The following ATP13A2 variants were observed in gnomAD, a reference collection of about 807,000 sequenced individuals.
ATP13A2 encodes the protein polyamine-transporting ATPase 13A2.
In ATP13A2, 83 loss-of-function variants were observed where a neutral mutation model predicts 138.3. That is an observed-to-expected ratio of 0.60 (90% CI 0.50 to 0.72). The LOEUF (loss-of-function observed/expected upper bound fraction) is 0.72. Ranked by LOEUF, ATP13A2 falls within the 30% of genes least tolerant of loss-of-function variation. ATP13A2 has a pLI of 0.00. For missense variants in ATP13A2, 1,402 were observed against 1,606.4 expected (o/e 0.87, Z 2.17); for synonymous variants, 663 against 699.0 (o/e 0.95, Z 0.81).
chr1:17,003,512 G>A (rs1271913018), intron 6 of ATP13A2, among the ~76,000 whole-genome samples: 1 of 151,212 alleles, frequency 6.6e-6, no homozygotes, highest in African/African-American at 2.4e-5. Context: ...AGCCGAGAAT[G>A]CGGCATTGCA....
intron 11 of ATP13A2, among the ~76,000 whole-genome samples, chr1:16,999,658 T>G (rs1234832492): frequency 1.3e-5 from 2 of 152,066 alleles, no homozygotes; most frequent in African/African-American, 4.8e-5. Flanking sequence ...TCCCAGCACC[T>G]TGGGAGGCCG....
rs1366750257 is a variant in ATP13A2 at position 16,986,385 on chromosome 1, G to A, written c.3406-27C>T. On this transcript the variant is annotated intron_variant, in intron 28 of 28. Coordinates refer to ENST00000326735, the MANE Select transcript of ATP13A2 (RefSeq NM_022089.4). The surrounding 1 kb of genome is among the most constrained non-coding windows in gnomAD (Gnocchi z 6.9). ...TGCAAAGGGCAGGGAGGGTGTCAGG[G>A]GCAGCCGGGGCTGAGCTGGGGTCAA... 1.3e-6 allele frequency: 2 copies of A among 1,590,122 alleles called. No individual in the cohort carries two copies. Among genetic ancestry groups the A allele is most frequent in the Non-Finnish European group, 1.7e-6 (2 of 1,171,502 alleles).
chr1:16,986,838 C>T lies in ATP13A2; in HGVS notation c.3202G>A (p.Gly1068Arg). 6.2e-7 allele frequency: 1 copy of T among 1,613,488 alleles called. No homozygotes were observed. Among genetic ancestry groups the T allele is most frequent in the South Asian group, 1.1e-5 (1 of 91,056 alleles). The change falls in exon 27 of 29, where the codon GGG (glycine) becomes AGG (arginine). Residue 1068 changes from glycine (G) to arginine (R), a missense_variant. Physicochemically the swap from Gly to Arg is moderately radical, Grantham distance 125. Transcript: ENST00000326735. This position sits in a 1 kb window ranked among gnomAD's most constrained non-coding sequence, Gnocchi z 6.9. The part of the protein sequence containing the change: ...YLILAAAVSK[G>R]APFRRPLYTN... The stretch of plus-strand genomic sequence containing the variant: ...TAGAGCGGCCGGCGGAAGGGCGCCC[C>T]CTTGGACACGGCTGCAGCCAGGATG...
At chr1:16,997,274 G>A in intron 11 of ATP13A2, 99 bp from the exon 12 acceptor site, 1 of 1,430,252 alleles carries the variant, frequency 7.0e-7, no homozygotes, top group Non-Finnish European at 9.7e-7. Context: ...CTAAGTCTCA[G>A]TTAACTCTGT....
intron 12 of ATP13A2, chr1:16,996,708 C>G: frequency 1.6e-6 from 1 of 619,090 alleles, no homozygotes; most frequent in Non-Finnish European, 2.9e-6. Flanking sequence ...CATCTAAACA[C>G]TGGGTGGTTC....
intron 18 of ATP13A2, 38 bp from the exon 19 acceptor site, chr1:16,992,167 C>T: frequency 6.2e-7 from 1 of 1,611,702 alleles, no homozygotes; most frequent in Non-Finnish European, 8.5e-7. Context: ...GAGGGGATGG[C>T]AGGGACAGAG....
chr1:16,988,067 C>T lies in ATP13A2; in HGVS notation c.2859+71G>A. ...TCATCTATTCTGGGACCTGCCAGCT[C>T]CAAGGCACAGGGCTGTGTCCCCTCC... On this transcript the variant is annotated intron_variant, in intron 25 of 28. Coordinates refer to ENST00000326735, the MANE Select transcript of ATP13A2 (RefSeq NM_022089.4). 4 of 1,413,060 alleles carry T rather than the reference C, an allele frequency of 2.8e-6. No individual in the cohort carries two copies. The East Asian group carries it at 6.9e-5, about 24-fold the overall frequency. The allele number at this position is 1,413,060 out of a possible 1,614,324, so 87.5% of individuals were successfully genotyped here. A position where few individuals can be genotyped will look rare whatever the true frequency, so the allele number is the denominator to read the frequency against.
In ATP13A2 at chr1:16,986,734, T is replaced by C. The variant is rs937351387; in HGVS notation, c.3235+71A>G. 6.3e-7 allele frequency: 1 copy of C among 1,580,062 alleles called. No homozygotes were observed. Among genetic ancestry groups the C allele is most frequent in the Non-Finnish European group, 8.6e-7 (1 of 1,166,816 alleles). Reference sequence around the variant, plus strand: ...CCACTCGGCCGGCACCTCTCTCCCATCTGCCTCCCCAGCACCCCAGGGCTC... The same window carrying C: ...CCACTCGGCCGGCACCTCTCTCCCACCTGCCTCCCCAGCACCCCAGGGCTC... On this transcript the variant is annotated intron_variant, in intron 27 of 28. Transcript: ENST00000326735. This position sits in a 1 kb window ranked among gnomAD's most constrained non-coding sequence, Gnocchi z 6.9.
intron 1 of ATP13A2, among the ~76,000 whole-genome samples, chr1:17,006,570 G>A (rs1347198702): frequency 1.3e-5 from 2 of 152,030 alleles, no homozygotes; most frequent in Admixed American, 1.3e-4. Flanking sequence ...TTGTTTCCTT[G>A]CGTGTGTCGG....
rs1303740944 is a variant in ATP13A2 at position 17,011,347 on chromosome 1, C to G, written c.10+382G>C. Among the ~76,000 whole-genome samples, 1 of 152,156 alleles carries G rather than the reference C, an allele frequency of 6.6e-6. No individual in the cohort carries two copies. Among genetic ancestry groups the G allele is most frequent in the Non-Finnish European group, 1.5e-5 (1 of 68,022 alleles). On this transcript the variant is annotated intron_variant, in intron 1 of 28. Coordinates refer to ENST00000326735, the MANE Select transcript of ATP13A2 (RefSeq NM_022089.4). This position sits in a 1 kb window ranked among gnomAD's most constrained non-coding sequence, Gnocchi z 7.3. ...TTGCCCAGAGGCCCGAGGATGCAGC[C>G]GTCTCCCCCACCTGGACATCCGTCA...
chr1:17,004,219 C>T lies in ATP13A2; in HGVS notation c.557+113G>A. 1 of 1,147,352 alleles carries T rather than the reference C, an allele frequency of 8.7e-7. No individual in the cohort carries two copies. Among genetic ancestry groups the T allele is most frequent in the Non-Finnish European group, 1.3e-6 (1 of 780,184 alleles). 71.1% of individuals were successfully genotyped at this position (1,147,352 alleles called of 1,614,324 possible). A position where few individuals can be genotyped will look rare whatever the true frequency, so the allele number is the denominator to read the frequency against. On this transcript the variant is annotated intron_variant, in intron 6 of 28. Coordinates refer to ENST00000326735, the MANE Select transcript of ATP13A2 (RefSeq NM_022089.4). This position sits in a 1 kb window ranked among gnomAD's most constrained non-coding sequence, Gnocchi z 4.1. ...TCAGTAACCTGCCCAAGGTTTCAGA[C>T]AGCAAAAGCATCAGAGCTGAGAGGG...
rs766036337 is a variant in ATP13A2, at chr1:16,992,017, T to C, written c.2118A>G (p.Gln706=). Residue 706 remains glutamine, a synonymous_variant, in exon 19 of 29, where the codon CAA becomes CAG. Transcript: ENST00000326735. ...ACAGGAGACAGGCCCACCTCGTCAG[T>C]TGCTGGGCTGCCTCCAGGCTGGGCA... The part of the protein sequence containing the change: ...PTVPSLEAAQ[Q]LTRDTVEGDL... 6.2e-6 allele frequency: 10 copies of C among 1,612,640 alleles called. No homozygotes were observed. Among genetic ancestry groups the C allele is most frequent in the Admixed American group, 3.3e-5 (2 of 59,990 alleles).
At chr1:17,001,437 A>C (rs1358189250) in intron 8 of ATP13A2, among the ~76,000 whole-genome samples, 2 of 152,054 alleles carry the variant, frequency 1.3e-5, no homozygotes, top group Non-Finnish European at 2.9e-5. Flanking sequence ...TCAAAAAAAA[A>C]AACAACAAAC....
chr1:16,989,680 C>T lies in ATP13A2; in HGVS notation c.2609+11G>A, dbSNP rs751168600. ...GCAGGCCCTTGCCCACACCCTCTGC[C>T]GAGCACTCACTGAAGCTTCTGTAGC... On this transcript the variant is annotated intron_variant, in intron 23 of 28. Transcript: ENST00000326735. 6.2e-6 allele frequency: 10 copies of T among 1,613,804 alleles called. No individual in the cohort carries two copies. Among genetic ancestry groups the T allele is most frequent in the Admixed American group, 3.3e-5 (2 of 60,012 alleles).
At position 16,992,512 on chromosome 1, in the gene ATP13A2, G is replaced by C. The variant is rs772266257; in HGVS notation, c.1819C>G (p.Leu607Val). ...ATTGCCTGCAGCTGGGGCTCCCAAA[G>C]TGGGGGTCTCATCACTGCCAAGACC... is the stretch of plus-strand genomic sequence containing the variant. ...TQVLAVMRPP[L>V]WEPQLQAMEE... The change falls in exon 17 of 29, where the codon CTT becomes GTT. Residue 607 changes from leucine (L) to valine (V), a missense_variant. Transcript: ENST00000326735. 2.5e-6 allele frequency: 4 copies of C among 1,614,092 alleles called. No individual in the cohort carries two copies. The highest frequency in any genetic ancestry group is 3.4e-6 in the Non-Finnish European group (4 of 1,180,042).
At chr1:16,994,776 C>A (rs56838220) in intron 15 of ATP13A2, among the ~76,000 whole-genome samples, 5,955 of 152,230 alleles carry the variant, frequency 0.039, 344 homozygotes, top group African/African-American at 0.13. Context: ...GATTCTCCTG[C>A]CCCAGCCTCC....
chr1:17,004,549 A>C lies in ATP13A2; in HGVS notation c.478-138T>G. 2 of 1,559,412 alleles carry C rather than the reference A, an allele frequency of 1.3e-6. No individual in the cohort carries two copies. The highest frequency in any genetic ancestry group is 1.8e-6 in the Non-Finnish European group (2 of 1,140,946). On this transcript the variant is annotated intron_variant, in intron 5 of 28. Transcript: ENST00000326735. This position sits in a 1 kb window ranked among gnomAD's most constrained non-coding sequence, Gnocchi z 4.1. ...ACAGAGAGGTGGGGAGAGGCCTGAA[A>C]GTGTAAACGTGCTCAGACAGCATCC...
chr1:17,000,283 C>A lies in ATP13A2; in HGVS notation c.870G>T (p.Lys290Asn). ...GGCACACGCACACCCGCATGGACAA[C>A]TTGACCATGTCCCTTAGAGTCTGGC... ...KQSQTLRDMVKLSMRVCVCRP... is the reference protein window; with the variant it reads ...KQSQTLRDMVNLSMRVCVCRP... Residue 290 changes from lysine (K) to asparagine (N), a missense_variant, in exon 10 of 29, where the codon AAG (lysine) becomes AAT (asparagine). By Grantham distance (94) the Lys-to-Asn change is moderately conservative (BLOSUM62 0). Coordinates refer to ENST00000326735, the MANE Select transcript of ATP13A2 (RefSeq NM_022089.4). The A allele has an allele frequency of 1.3e-6, 2 of 1,579,704 alleles. No individual in the cohort carries two copies. The highest frequency in any genetic ancestry group is 2.3e-5 in the East Asian group (1 of 43,200).
intron 16 of ATP13A2, 62 bp downstream of exon 16, chr1:16,993,567 G>A: frequency 3.4e-6 from 5 of 1,456,210 alleles, no homozygotes; most frequent in Non-Finnish European, 4.7e-6. Context: ...AGGGAAGACA[G>A]GGTGGGATTC....
Sources: allele counts gnomAD v4.1 joint callset (sites outside exome capture counted in the v4.1 genomes callset), GRCh38; gene constraint gnomAD v4.1.1; non-coding constraint Gnocchi (gnomAD v3.1); transcripts MANE v1.5; gene names NCBI Gene and HGNC (gene_info 2026-07-23, HGNC 2026-07-21).